Variants in CDR2 observed in about 807,000 individuals in gnomAD.
CDR2 encodes cerebellar degeneration related protein 2.
In CDR2, 34 loss-of-function variants were observed where a neutral mutation model predicts 48.4. The ratio of observed to expected loss-of-function variants is 0.70; its 90% CI spans 0.53 to 0.94. The LOEUF is 0.94. CDR2 is among the 40% of genes least tolerant of loss of function. CDR2 has a pLI of 0.00. For missense variants in CDR2, 498 were observed against 549.5 expected, an observed-to-expected ratio of 0.91 and a Z score of 0.94; for synonymous variants, 240 against 219.7, an observed-to-expected ratio of 1.09 and a Z score of -0.82.
rs185821651 is a variant in CDR2 at position 22,352,124 on chromosome 16, C to T, written c.193-2275G>A. 7.2e-5 allele frequency among the ~76,000 whole-genome samples: 11 copies of T among 152,238 alleles called. No homozygotes were observed. In the East Asian group the frequency reaches 9.7e-4, roughly 13 times the overall value. On this transcript the variant is annotated intron_variant, in intron 2 of 4. Transcript: ENST00000268383. ...AAAATTAGTCCGGCGTGGTGGCACG[C>T]GCCTGTAATCCCACGTACTCAGGAG...
Position 22,374,372 on chromosome 16 carries a change from G to A in CDR2, c.-63C>T. ...CGTCCCGCCTCAGCCGCTGCCCCGG[G>A]CTCTTCCCCGGCCCCTCCGCCCTCA... On this transcript the variant is annotated 5_prime_UTR_variant, in exon 1 of 5. Coordinates refer to ENST00000268383, the MANE Select transcript of CDR2 (RefSeq NM_001802.2). 8.2e-7 allele frequency: 1 copy of A among 1,218,150 alleles called. No individual in the cohort carries two copies. The highest frequency in any genetic ancestry group is 1.2e-6 in the Non-Finnish European group (1 of 853,478). 75.5% of individuals were successfully genotyped at this position (1,218,150 alleles called of 1,614,324 possible). A position where few individuals can be genotyped will look rare whatever the true frequency, so the allele number is the denominator to read the frequency against.
At position 22,346,888 on chromosome 16, in the gene CDR2, A is replaced by G. The variant is rs2048908513; in HGVS notation, c.*77T>C. On this transcript the variant is annotated 3_prime_UTR_variant, in exon 5 of 5. Coordinates refer to ENST00000268383, the MANE Select transcript of CDR2 (RefSeq NM_001802.2). ...CGTCATGAGTAACATTAGGCTTCAG[A>G]GTCTACAAACACTTGTCTGAATGGG... is the stretch of plus-strand genomic sequence containing the variant. 6.2e-6 allele frequency: 9 copies of G among 1,452,028 alleles called. No individual in the cohort carries two copies. In the South Asian group the frequency reaches 1.0e-4, roughly 17 times the overall value. 89.9% of individuals were successfully genotyped at this position (1,452,028 alleles called of 1,614,324 possible).
At chr16:22,369,359 G>T (rs1350248251) in intron 1 of CDR2, among the ~76,000 whole-genome samples, 1 of 151,736 alleles carries the variant, frequency 6.6e-6, no homozygotes, top group Non-Finnish European at 1.5e-5. Flanking sequence ...ACTGTCTTGA[G>T]ACTATCACCA....
chr16:22,372,743 CTGTAAG>C (rs998622898), intron 1 of CDR2, among the ~76,000 whole-genome samples: 9 of 152,166 alleles, frequency 5.9e-5, no homozygotes, highest in African/African-American at 2.2e-4. Flanking sequence ...AGCTTGGACT[CTGTAAG>C]TGTAATAAAG....
At chr16:22,372,173 A>G (rs2049083030) in intron 1 of CDR2, among the ~76,000 whole-genome samples, 1 of 151,516 alleles carries the variant, frequency 6.6e-6, no homozygotes, top group Non-Finnish European at 1.5e-5. Context: ...CCCAGCCCAG[A>G]CCTGTGTTTT....
At chr16:22,354,154 A>G (rs2048959307) in intron 2 of CDR2, among the ~76,000 whole-genome samples, 1 of 152,230 alleles carries the variant, frequency 6.6e-6, no homozygotes. Flanking sequence ...ACTGGAGTAG[A>G]GCCAGGATTC....
At chr16:22,360,949 C>T (rs2049007184) in intron 2 of CDR2, among the ~76,000 whole-genome samples, 1 of 151,864 alleles carries the variant, frequency 6.6e-6, no homozygotes, top group Non-Finnish European at 1.5e-5. Context: ...AGGGTTTCGC[C>T]ATGTTGGCCA....
chr16:22,373,389 C>G (rs1160535758), intron 1 of CDR2, among the ~76,000 whole-genome samples: 2 of 152,214 alleles, frequency 1.3e-5, no homozygotes, highest in African/African-American at 4.8e-5. Flanking sequence ...TGCCTAACAG[C>G]TTAACGCCCA....
At chr16:22,351,231 A>C (rs370740840) in intron 2 of CDR2, among the ~76,000 whole-genome samples, 1 of 152,204 alleles carries the variant, frequency 6.6e-6, no homozygotes, top group African/African-American at 2.4e-5. Context: ...CATGGTGTAC[A>C]TGTGCCACAT....
rs747201865 is a variant in CDR2, at chr16:22,346,977, GGAGA to G, written c.1349_1352del (p.Leu450ProfsTer6). ...GCTAGAGGTTCAATTAAGAATGAGA[GGAGA>G]GTGATCGGTATTTTGTTCTCTGTTC... On this transcript the variant is annotated frameshift_variant, in exon 5 of 5. Coordinates refer to ENST00000268383, the MANE Select transcript of CDR2 (RefSeq NM_001802.2). LOFTEE classifies it high-confidence loss of function. 2 of 1,609,806 alleles carry G rather than the reference GGAGA, an allele frequency of 1.2e-6. No individual in the cohort carries two copies. The highest frequency in any genetic ancestry group is 2.7e-5 in the African/African-American group (2 of 74,864).
intron 2 of CDR2, among the ~76,000 whole-genome samples, chr16:22,353,912 GA>G (rs2048958141): frequency 6.6e-6 from 1 of 151,852 alleles, no homozygotes; most frequent in Admixed American, 6.6e-5. Flanking sequence ...GAAGGTTGAG[GA>G]AAAAAATATT....
At chr16:22,349,966 A>G in intron 2 of CDR2, 117 bp from the exon 3 acceptor site, 1 of 866,272 alleles carries the variant, frequency 1.2e-6, no homozygotes, top group Non-Finnish European at 1.8e-6. Context: ...AGACGTGTGG[A>G]TCACCTGAGG....
At position 22,353,467 on chromosome 16, in the gene CDR2, A is replaced by G. The variant is rs998218218; in HGVS notation, c.193-3618T>C. The stretch of plus-strand genomic sequence containing the variant: ...ACTTCATAAGGCTGTAAAGATAAAT[A>G]TGTGTGTGGGAGAGACTGGACTATG... On this transcript the variant is annotated intron_variant, in intron 2 of 4. Transcript: ENST00000268383. Among the ~76,000 whole-genome samples the G allele has an allele frequency of 2.0e-5, 3 of 152,302 alleles. No individual in the cohort carries two copies. In the South Asian group the frequency reaches 6.2e-4, roughly 32 times the overall value.
At chr16:22,371,635 C>T (rs542285023) in intron 1 of CDR2, among the ~76,000 whole-genome samples, 24 of 152,152 alleles carry the variant, frequency 1.6e-4, no homozygotes, top group South Asian at 4.1e-4. Flanking sequence ...TATAACTTAG[C>T]AAAACTGGGG....
intron 2 of CDR2, among the ~76,000 whole-genome samples, chr16:22,352,125 G>A (rs1598291538): frequency 2.6e-5 from 4 of 152,236 alleles, no homozygotes; most frequent in East Asian, 1.9e-4. Flanking sequence ...GGTGGCACGC[G>A]CCTGTAATCC....
In CDR2 at chr16:22,347,289, G is replaced by A. The variant is rs1033510828; in HGVS notation, c.1041C>T (p.His347=). The change falls in exon 5 of 5, where the codon CAC becomes CAT. Residue 347 remains histidine, a synonymous_variant. Coordinates refer to ENST00000268383, the MANE Select transcript of CDR2 (RefSeq NM_001802.2). Reference sequence around the variant, plus strand: ...GGGCGCTGTACTGCGTGTCCACTTCGTGCAGAAGGGAGATGCCCCTCTGTT... The same window carrying A: ...GGGCGCTGTACTGCGTGTCCACTTCATGCAGAAGGGAGATGCCCCTCTGTT... The part of the protein sequence containing the change: ...AVKQRGISLL[H]EVDTQYSALK... 12 of 1,614,210 alleles carry A rather than the reference G, an allele frequency of 7.4e-6. No individual in the cohort carries two copies. The highest frequency in any genetic ancestry group is 1.1e-5 in the South Asian group (1 of 91,088).
intron 1 of CDR2, among the ~76,000 whole-genome samples, chr16:22,372,620 A>G (rs1384296144): frequency 6.6e-6 from 1 of 152,206 alleles, no homozygotes; most frequent in East Asian, 1.9e-4. Flanking sequence ...CTATCAAACT[A>G]GGCCATCAAT....
chr16:22,368,368 C>T (rs2049056077), intron 1 of CDR2, among the ~76,000 whole-genome samples: 1 of 152,116 alleles, frequency 6.6e-6, no homozygotes, highest in Non-Finnish European at 1.5e-5. Context: ...CACCACCACA[C>T]CTGGCTAATT....
intron 2 of CDR2, among the ~76,000 whole-genome samples, chr16:22,355,365 C>T (rs1335054226): frequency 6.6e-6 from 1 of 152,212 alleles, no homozygotes; most frequent in African/African-American, 2.4e-5. Context: ...GGATGCAGTT[C>T]TCCTGGCTGC....
Sources: gnomAD v4.1 joint callset for allele counts (sites outside exome capture counted in the v4.1 genomes callset) on GRCh38, gnomAD v4.1.1 for gene constraint, MANE v1.5 for transcripts, NCBI Gene and HGNC (gene_info 2026-07-23, HGNC 2026-07-21) for gene names.